The following WDPCP variants were observed in gnomAD, a reference collection of about 807,000 sequenced individuals.
WDPCP encodes the protein WD repeat containing planar cell polarity effector, also known as WD repeat-containing and planar cell polarity effector protein fritz homolog.
Under a neutral mutation model 93.1 loss-of-function variants are expected in WDPCP, and 71 were observed. The observed-to-expected ratio is 0.76, with a 90% CI of 0.63 to 0.93. WDPCP has a LOEUF of 0.93. WDPCP is among the 40% of genes least tolerant of loss of function. The probability of loss-of-function intolerance (pLI) is 0.00; values close to 1 mark genes in which losing one functional copy is unlikely to be tolerated. For missense variants in WDPCP, 844 were observed against 887.4 expected (o/e 0.95, Z 0.62); for synonymous variants, 315 against 315.0 (o/e 1.00, Z 0.00).
chr2:63,323,024 T>C (rs1687243569), intron 12 of WDPCP, among the ~76,000 whole-genome samples: 1 of 152,226 alleles, frequency 6.6e-6, no homozygotes, highest in African/African-American at 2.4e-5. Context: ...TTGGTTTGCC[T>C]GGAACCAGCT....
chr2:63,522,350 G>A (rs1248067546), intron 1 of WDPCP, among the ~76,000 whole-genome samples: 2 of 151,710 alleles, frequency 1.3e-5, no homozygotes, highest in South Asian at 4.2e-4. Flanking sequence ...ATCACACCTA[G>A]AGGAACTAGA....
At chr2:63,618,524 C>T (rs1709697180) in intron 3 of WDPCP, among the ~76,000 whole-genome samples, 1 of 152,092 alleles carries the variant, frequency 6.6e-6, no homozygotes, top group African/African-American at 2.4e-5. Context: ...CCCCTATGTT[C>T]CTCCCTTAGA....
intron 12 of WDPCP, among the ~76,000 whole-genome samples, chr2:63,352,981 A>T (rs1689739234): frequency 6.6e-6 from 1 of 152,212 alleles, no homozygotes; most frequent in African/African-American, 2.4e-5. Flanking sequence ...AAAAAAAATC[A>T]TGGTTGTATA....
intron 2 of WDPCP, among the ~76,000 whole-genome samples, chr2:63,653,638 C>T (rs1275350337): frequency 3.3e-5 from 5 of 152,196 alleles, no homozygotes; most frequent in Non-Finnish European, 5.9e-5. Flanking sequence ...AGGCCACACA[C>T]GTTGGCTCAT....
intron 3 of WDPCP, among the ~76,000 whole-genome samples, chr2:63,613,893 C>T (rs779499936): frequency 1.3e-5 from 2 of 152,146 alleles, no homozygotes; most frequent in African/African-American, 2.4e-5. Flanking sequence ...AGACCCCCTC[C>T]CTAGGAATCT....
At chr2:63,278,651 C>A (rs1306804846) in intron 13 of WDPCP, among the ~76,000 whole-genome samples, 8 of 151,980 alleles carry the variant, frequency 5.3e-5, no homozygotes, top group Non-Finnish European at 1.0e-4. Flanking sequence ...CACAGTGAAA[C>A]CCTGTCTCTA....
intron 6 of WDPCP, among the ~76,000 whole-genome samples, chr2:63,447,566 C>T (rs1697950350): frequency 6.6e-6 from 1 of 152,054 alleles, no homozygotes; most frequent in South Asian, 2.1e-4. Flanking sequence ...ATGAGTCCCT[C>T]GTCTCTGCTA....
upstream of WDPCP, among the ~76,000 whole-genome samples, chr2:63,591,666 C>T (rs542648234): frequency 2.0e-5 from 3 of 152,312 alleles, no homozygotes; most frequent in African/African-American, 7.2e-5. Context: ...CCCTAACCTT[C>T]CTTCATTCAA....
chr2:63,802,021 C>T (rs1670703096), intron 2 of WDPCP, among the ~76,000 whole-genome samples: 1 of 152,128 alleles, frequency 6.6e-6, no homozygotes, highest in African/African-American at 2.4e-5. Context: ...ACCACCTCTT[C>T]AAGAAAGGTT....
At chr2:63,532,778 A>G (rs968542725) in intron 1 of WDPCP, among the ~76,000 whole-genome samples, 3 of 152,242 alleles carry the variant, frequency 2.0e-5, no homozygotes, top group East Asian at 1.9e-4. Context: ...AAGACCATCA[A>G]TGCTAGGAAG....
chr2:63,686,248 A>C (rs959883675), intron 2 of WDPCP, among the ~76,000 whole-genome samples: 1 of 152,236 alleles, frequency 6.6e-6, no homozygotes, highest in African/African-American at 2.4e-5. Context: ...GAATTCAGTA[A>C]AGTTGCATAC....
chr2:63,170,513 T>G (rs1427606027), intron 15 of WDPCP, among the ~76,000 whole-genome samples: 1 of 151,936 alleles, frequency 6.6e-6, no homozygotes, highest in Non-Finnish European at 1.5e-5. Flanking sequence ...CCTCAGGTGA[T>G]CCGCCTCAGC....
chr2:63,717,360 C>T, intron 2 of WDPCP: 1 of 472,808 alleles, frequency 2.1e-6, no homozygotes, highest in South Asian at 1.7e-5. Context: ...AGGACTGGTA[C>T]ATGAAATGTC....
chr2:63,610,176 T>C (rs1167668600), intron 3 of WDPCP, among the ~76,000 whole-genome samples: 1 of 152,232 alleles, frequency 6.6e-6, no homozygotes, highest in Admixed American at 6.5e-5. Flanking sequence ...ATGCCTTTCC[T>C]AAGCATTTTT....
At chr2:63,835,314 T>C in the WDPCP span, among the ~76,000 whole-genome samples, 2 of 140,332 alleles carry the variant, frequency 1.4e-5, no homozygotes, top group Non-Finnish European at 3.0e-5. Flanking sequence ...TGCTTGAACC[T>C]GGGAGGCAGA....
chr2:63,266,948 C>A (rs948855736), intron 13 of WDPCP, among the ~76,000 whole-genome samples: 1 of 151,994 alleles, frequency 6.6e-6, no homozygotes, highest in South Asian at 2.1e-4. Context: ...ATCAAAATTC[C>A]AATGTCATTT....
At chr2:63,371,554 C>T (rs1026663436) in intron 12 of WDPCP, among the ~76,000 whole-genome samples, 3 of 152,056 alleles carry the variant, frequency 2.0e-5, no homozygotes, top group African/African-American at 7.2e-5. Context: ...TGTCTCATTC[C>T]TCTCCTTCTC....
intron 1 of WDPCP, among the ~76,000 whole-genome samples, chr2:63,581,215 C>T (rs976916541): frequency 5.3e-5 from 8 of 152,070 alleles, no homozygotes; most frequent in Non-Finnish European, 8.8e-5. Context: ...AGAGAATGTA[C>T]AGTGCAAGGA....
chr2:63,589,398 G>T, upstream of WDPCP: 9 of 1,549,328 alleles, frequency 5.8e-6, no homozygotes, highest in Non-Finnish European at 7.9e-6. Flanking sequence ...TGCGATGGGA[G>T]GGAAAGGTTG....
Sources: gnomAD v4.1 joint callset for allele counts (sites outside exome capture counted in the v4.1 genomes callset) on GRCh38, gnomAD v4.1.1 for gene constraint, MANE v1.5 for transcripts, NCBI Gene and HGNC (gene_info 2026-07-23, HGNC 2026-07-21) for gene names.